Variants in TSPAN18 observed in about 807,000 individuals in gnomAD.
TSPAN18 encodes tetraspanin-18.
In TSPAN18, 14 loss-of-function variants were observed where a neutral mutation model predicts 27.3. The ratio of observed to expected loss-of-function variants is 0.51; its 90% CI spans 0.34 to 0.80. The LOEUF is 0.80. Among genes scored for constraint, TSPAN18 ranks in the 30% least tolerant of loss-of-function variants. The pLI is 0.01. For synonymous variants in TSPAN18, 143 were observed against 136.5 expected (o/e 1.05, Z -0.33); for missense variants, 268 against 323.9 (o/e 0.83, Z 1.32).
At position 44,800,010 on chromosome 11, in the gene TSPAN18, T is replaced by G. The variant is rs1280619030; in HGVS notation, c.-153+35498T>G. Reference sequence around the variant, plus strand: ...CACACCCGGCTAATTTTTTGTGTTTTTTTTTTTTTTTTTTTTTTGTATTTT... The same window carrying G: ...CACACCCGGCTAATTTTTTGTGTTTGTTTTTTTTTTTTTTTTTTGTATTTT... On this transcript the variant is annotated intron_variant, in intron 2 of 9. Coordinates refer to ENST00000520358, the MANE Select transcript of TSPAN18 (RefSeq NM_130783.5). Among the ~76,000 whole-genome samples the G allele has an allele frequency of 3.4e-3, 494 of 144,154 alleles. 3 individuals are homozygous for G. Among genetic ancestry groups the G allele is most frequent in the African/African-American group, 0.013 (467 of 37,286 alleles). The allele number at this position is 144,154 out of a possible 152,430, so 94.6% of individuals were successfully genotyped here. A position where few individuals can be genotyped will look rare whatever the true frequency, so the allele number is the denominator to read the frequency against.
intron 2 of TSPAN18, among the ~76,000 whole-genome samples, chr11:44,795,723 T>C (rs1465959978): frequency 3.9e-5 from 6 of 151,938 alleles, no homozygotes; most frequent in Non-Finnish European, 8.8e-5. Context: ...ATACATTTCA[T>C]TCACCAGACC....
intron 1 of TSPAN18, among the ~76,000 whole-genome samples, chr11:44,744,500 TAG>T (rs1178135072): frequency 1.3e-5 from 2 of 151,626 alleles, no homozygotes; most frequent in African/African-American, 4.9e-5. Flanking sequence ...AATGGGGGGG[TAG>T]CTTCAAGTTC....
chr11:44,875,502 G>A (rs1397460014), intron 3 of TSPAN18, among the ~76,000 whole-genome samples: 4 of 152,192 alleles, frequency 2.6e-5, no homozygotes, highest in African/African-American at 2.4e-5. Flanking sequence ...ATCCTAGCTG[G>A]TTGCACAACC....
chr11:44,827,350 T>C (rs1192706559), intron 2 of TSPAN18, among the ~76,000 whole-genome samples: 2 of 152,200 alleles, frequency 1.3e-5, no homozygotes, highest in Non-Finnish European at 1.5e-5. Flanking sequence ...AGCCATAGCT[T>C]CCCTTTCTCC....
chr11:44,839,707 C>T (rs1326059872), intron 2 of TSPAN18, among the ~76,000 whole-genome samples: 2 of 152,134 alleles, frequency 1.3e-5, no homozygotes, highest in African/African-American at 4.8e-5. Flanking sequence ...GGCACCATCA[C>T]TGAACTGAGC....
At chr11:44,882,956 A>G (rs928273148) in intron 3 of TSPAN18, among the ~76,000 whole-genome samples, 2 of 152,182 alleles carry the variant, frequency 1.3e-5, no homozygotes, top group African/African-American at 4.8e-5. Context: ...CCTACTTCAG[A>G]CACACAGAGG....
intron 1 of TSPAN18, among the ~76,000 whole-genome samples, chr11:44,740,218 G>A (rs1854900208): frequency 6.6e-6 from 1 of 152,228 alleles, no homozygotes; most frequent in Non-Finnish European, 1.5e-5. Context: ...GCCTGGGCTA[G>A]GTAGGGTTTG....
intron 8 of TSPAN18, among the ~76,000 whole-genome samples, chr11:44,924,312 C>T (rs1053678693): frequency 6.6e-6 from 1 of 152,140 alleles, no homozygotes; most frequent in East Asian, 1.9e-4. Flanking sequence ...TCATTTTATC[C>T]TCACAGCAAT....
chr11:44,907,698 C>A (rs980472455), intron 4 of TSPAN18, among the ~76,000 whole-genome samples: 1 of 152,072 alleles, frequency 6.6e-6, no homozygotes, highest in African/African-American at 2.4e-5. Context: ...GTTGCTGAAT[C>A]CCCAAATCTC....
chr11:44,753,062 A>G (rs1173665441), intron 1 of TSPAN18, among the ~76,000 whole-genome samples: 8 of 152,160 alleles, frequency 5.3e-5, no homozygotes, highest in Non-Finnish European at 1.2e-4. Flanking sequence ...GTATCCATAT[A>G]TTCTTTTTGA....
chr11:44,763,983 T>C (rs1855509948), intron 1 of TSPAN18, among the ~76,000 whole-genome samples: 1 of 152,082 alleles, frequency 6.6e-6, no homozygotes, highest in African/African-American at 2.4e-5. Context: ...TGAAGAGGCC[T>C]CAGGAAACTT....
At chr11:44,747,494 A>G (rs559588012) in intron 1 of TSPAN18, among the ~76,000 whole-genome samples, 1 of 152,210 alleles carries the variant, frequency 6.6e-6, no homozygotes, top group East Asian at 1.9e-4. Context: ...GTTTGTACTG[A>G]GCTGCTCAGG....
At chr11:44,752,687 A>G (rs1855239869) in intron 1 of TSPAN18, among the ~76,000 whole-genome samples, 1 of 152,254 alleles carries the variant, frequency 6.6e-6, no homozygotes, top group African/African-American at 2.4e-5. Flanking sequence ...TAGAATGAAC[A>G]TGAGTCAAAG....
intron 3 of TSPAN18, among the ~76,000 whole-genome samples, chr11:44,885,545 G>A (rs1858620852): frequency 6.6e-6 from 1 of 152,040 alleles, no homozygotes; most frequent in African/African-American, 2.4e-5. Flanking sequence ...TCAGCCCCCT[G>A]CCTGTCTCTT....
intron 2 of TSPAN18, among the ~76,000 whole-genome samples, chr11:44,778,487 A>T (rs1193837767): frequency 1.3e-5 from 2 of 152,120 alleles, no homozygotes; most frequent in Non-Finnish European, 2.9e-5. Flanking sequence ...TCTAGAAGGA[A>T]GGTGAAGGGC....
intron 2 of TSPAN18, among the ~76,000 whole-genome samples, chr11:44,843,536 T>A (rs1857418481): frequency 6.6e-6 from 1 of 152,054 alleles, no homozygotes; most frequent in Non-Finnish European, 1.5e-5. Context: ...GAAGACAGGG[T>A]TTTGAGATCA....
chr11:44,796,644 T>C (rs1353054685), intron 2 of TSPAN18, among the ~76,000 whole-genome samples: 2 of 152,150 alleles, frequency 1.3e-5, no homozygotes, highest in African/African-American at 4.8e-5. Context: ...CCTTGTTTTA[T>C]GTACTAGGGA....
At chr11:44,896,700 A>G (rs1364302550) in intron 3 of TSPAN18, among the ~76,000 whole-genome samples, 1 of 151,790 alleles carries the variant, frequency 6.6e-6, no homozygotes, top group Non-Finnish European at 1.5e-5. Context: ...CCCTCTGCCC[A>G]GAGTTATGCC....
intron 2 of TSPAN18, among the ~76,000 whole-genome samples, chr11:44,853,328 A>G (rs1857649610): frequency 1.3e-5 from 2 of 151,992 alleles, no homozygotes; most frequent in Non-Finnish European, 2.9e-5. Flanking sequence ...CTCATTGAGG[A>G]GATGTTTCCA....
Sources: allele counts gnomAD v4.1 joint callset (sites outside exome capture counted in the v4.1 genomes callset), GRCh38; gene constraint gnomAD v4.1.1; transcripts MANE v1.5; gene names NCBI Gene and HGNC (gene_info 2026-07-23, HGNC 2026-07-21).